NTM: variants seen among roughly 807,000 people sequenced by gnomAD.
NTM encodes the protein neurotrimin.
NTM carries 13 observed loss-of-function variants against 42.1 expected under a neutral mutation model. That is an observed-to-expected ratio of 0.31 (90% CI 0.20 to 0.49). The LOEUF (loss-of-function observed/expected upper bound fraction) is 0.49, where lower values mean the gene tolerates loss of function less well. NTM is among the 20% of genes least tolerant of loss of function. NTM has a pLI of 0.99. For missense variants in NTM, 373 were observed against 452.8 expected (o/e 0.82, Z 1.60); for synonymous variants, 187 against 179.2 (o/e 1.04, Z -0.35).
chr11:131,545,729 C>T (rs318983), intron 1 of NTM, among the ~76,000 whole-genome samples: 4 of 152,108 alleles, frequency 2.6e-5, no homozygotes, highest in South Asian at 2.1e-4. Flanking sequence ...GACATATTAG[C>T]GAAACTTCCT....
intron 2 of NTM, among the ~76,000 whole-genome samples, chr11:131,967,763 G>A (rs1392393679): frequency 2.6e-5 from 4 of 152,132 alleles, no homozygotes; most frequent in Non-Finnish European, 5.9e-5. Flanking sequence ...CTTCCTGGGG[G>A]CATAGCTGAC....
At chr11:131,957,261 G>T (rs1281994679) in intron 2 of NTM, among the ~76,000 whole-genome samples, 6 of 152,184 alleles carry the variant, frequency 3.9e-5, no homozygotes, top group African/African-American at 1.4e-4. Flanking sequence ...TCTAACCAAT[G>T]TTTGGTAGTG....
chr11:131,672,126 G>C (rs367878922), intron 1 of NTM, among the ~76,000 whole-genome samples: 1 of 152,210 alleles, frequency 6.6e-6, no homozygotes, highest in Admixed American at 6.5e-5. Flanking sequence ...CCATGGGTCC[G>C]GGAGGACCGG....
At chr11:131,763,796 T>A (rs916545897) in intron 1 of NTM, among the ~76,000 whole-genome samples, 1 of 150,050 alleles carries the variant, frequency 6.7e-6, no homozygotes, top group African/African-American at 2.4e-5. Flanking sequence ...ATAGTGCATG[T>A]CCCTGTAGTT....
chr11:131,930,397 C>A (rs1169189450), intron 2 of NTM, among the ~76,000 whole-genome samples: 1 of 152,110 alleles, frequency 6.6e-6, no homozygotes, highest in Admixed American at 6.6e-5. Flanking sequence ...CAACTCATGC[C>A]CTGCACTCGG....
At chr11:131,988,705 G>A (rs1046488622) in intron 2 of NTM, among the ~76,000 whole-genome samples, 1 of 152,166 alleles carries the variant, frequency 6.6e-6, no homozygotes, top group Non-Finnish European at 1.5e-5. Flanking sequence ...TCCATAGGCA[G>A]TGCCTTCATT....
At chr11:131,776,157 C>A (rs1365061537) in intron 1 of NTM, among the ~76,000 whole-genome samples, 2 of 152,192 alleles carry the variant, frequency 1.3e-5, no homozygotes, top group South Asian at 2.1e-4. Context: ...GTTCAAACTA[C>A]AAAGCTCTGC....
chr11:131,966,186 G>A (rs1039856020), intron 2 of NTM, among the ~76,000 whole-genome samples: 5 of 152,250 alleles, frequency 3.3e-5, no homozygotes, highest in Admixed American at 6.5e-5. Context: ...TGGGAGATGA[G>A]TTTGCTGAAA....
chr11:131,641,814 A>G (rs1461231481), intron 1 of NTM, among the ~76,000 whole-genome samples: 2 of 150,488 alleles, frequency 1.3e-5, no homozygotes, highest in East Asian at 2.0e-4. Flanking sequence ...GCAACCTCCA[A>G]CTCCCGGGTT....
chr11:132,129,249 G>C (rs1305916288), intron 2 of NTM, among the ~76,000 whole-genome samples: 1 of 152,208 alleles, frequency 6.6e-6, no homozygotes, highest in East Asian at 1.9e-4. Flanking sequence ...ATGTTGTATA[G>C]TGCATACAGC....
At chr11:131,392,696 G>T (rs1370010033) in intron 1 of NTM, among the ~76,000 whole-genome samples, 5 of 152,204 alleles carry the variant, frequency 3.3e-5, no homozygotes, top group Admixed American at 2.6e-4. Context: ...GACGCCTGTT[G>T]CCTGTTCCTT....
chr11:131,576,462 C>T (rs190825756), intron 1 of NTM, among the ~76,000 whole-genome samples: 4 of 152,252 alleles, frequency 2.6e-5, no homozygotes, highest in Admixed American at 1.3e-4. Context: ...TATACTTTTG[C>T]TCGATTCTCC....
chr11:131,821,234 T>A lies in NTM; in HGVS notation c.83-90330T>A, dbSNP rs368083721. On this transcript the variant is annotated intron_variant, in intron 1 of 8. Transcript: ENST00000683400. ...TCAAGAAGCATTACCATCATCCTAA[T>A]GGAACTGGGAACTCATTCCTGTTCC... 4.6e-5 allele frequency among the ~76,000 whole-genome samples: 7 copies of A among 152,346 alleles called. No homozygotes were observed. In the East Asian group the frequency reaches 5.8e-4, roughly 13 times the overall value.
At chr11:131,640,801 C>G (rs561688004) in intron 1 of NTM, among the ~76,000 whole-genome samples, 107 of 152,334 alleles carry the variant, frequency 7.0e-4, no homozygotes, top group African/African-American at 2.5e-3. Flanking sequence ...TGTTTAAAAT[C>G]TTCCTAGGCC....
intron 3 of NTM, among the ~76,000 whole-genome samples, chr11:132,208,047 A>C (rs1176761637): frequency 1.3e-5 from 2 of 152,212 alleles, no homozygotes; most frequent in Non-Finnish European, 2.9e-5. Flanking sequence ...TGAATATTGA[A>C]GAAGGAGTGA....
intron 4 of NTM, among the ~76,000 whole-genome samples, chr11:132,298,922 G>A (rs1436736747): frequency 6.6e-6 from 1 of 152,012 alleles, no homozygotes; most frequent in Non-Finnish European, 1.5e-5. Flanking sequence ...GAAATTTATA[G>A]TTGGCACCAG....
intron 2 of NTM, among the ~76,000 whole-genome samples, chr11:131,916,047 G>A (rs1206364092): frequency 3.3e-5 from 5 of 152,188 alleles, no homozygotes; most frequent in African/African-American, 1.2e-4. Context: ...AGCTGGCTGT[G>A]GACAAAGAGG....
intron 2 of NTM, among the ~76,000 whole-genome samples, chr11:132,066,607 G>A (rs192863108): frequency 5.9e-5 from 9 of 152,276 alleles, no homozygotes; most frequent in Admixed American, 4.6e-4. Context: ...GAGCGTAGGG[G>A]ATAATCTATT....
intron 1 of NTM, among the ~76,000 whole-genome samples, chr11:131,637,738 G>A (rs974298311): frequency 2.0e-5 from 3 of 151,992 alleles, no homozygotes; most frequent in Non-Finnish European, 4.4e-5. Context: ...CCAATCTTAA[G>A]TAGATATTTT....
Sources: gnomAD v4.1 joint callset for allele counts (sites outside exome capture counted in the v4.1 genomes callset) on GRCh38, gnomAD v4.1.1 for gene constraint, MANE v1.5 for transcripts, NCBI Gene and HGNC (gene_info 2026-07-23, HGNC 2026-07-21) for gene names.